OCIAD1: variants seen among roughly 807,000 people sequenced by gnomAD.
OCIAD1 encodes OCIA domain-containing protein 1.
OCIAD1 carries 29 observed loss-of-function variants against 38.9 expected under a neutral mutation model. That is an observed-to-expected ratio of 0.74 (90% confidence interval 0.55 to 1.02). OCIAD1 has a LOEUF of 1.02. Among genes scored for constraint, OCIAD1 ranks in the 50% least tolerant of loss-of-function variants. The probability of loss-of-function intolerance (pLI) is 0.00; values close to 1 mark genes in which losing one functional copy is unlikely to be tolerated. For synonymous variants in OCIAD1, 110 were observed against 92.0 expected, an observed-to-expected ratio of 1.20 and a Z score of -1.12; for missense variants, 288 against 289.6, an observed-to-expected ratio of 0.99 and a Z score of 0.04.
rs1169620856 is a variant in OCIAD1, at chr4:48,860,881, T to G, written c.*119T>G. On this transcript the variant is annotated 3_prime_UTR_variant, in exon 9 of 9. Transcript: ENST00000264312. The stretch of plus-strand genomic sequence containing the variant: ...CATAAACACATTTAAAACAAGATCC[T>G]GGGTTTTTGTGGTTTGACTTCTATG... The G allele has an allele frequency of 1.3e-6, 1 of 765,564 alleles. No individual in the cohort carries two copies. The highest frequency in any genetic ancestry group is 2.5e-5 in the East Asian group (1 of 39,936). 47.4% of individuals were successfully genotyped at this position (765,564 alleles called of 1,614,324 possible).
Position 48,842,619 on chromosome 4 carries a change from TC to T in OCIAD1, c.140-16del. On this transcript the variant is annotated splice_polypyrimidine_tract_variant and intron_variant, in intron 3 of 8. Coordinates refer to ENST00000264312, the MANE Select transcript of OCIAD1 (RefSeq NM_017830.4). ...TTTACTTTTGTTGATGTTAACAAGG[TC>T]TTTTTCTTCCTATAGCTGTGCCTTT... 6.5e-7 allele frequency: 1 copy of T among 1,546,662 alleles called. No individual in the cohort carries two copies. The highest frequency in any genetic ancestry group is 1.2e-5 in the South Asian group (1 of 82,608).
At chr4:48,845,416 T>G (rs570602847) in intron 4 of OCIAD1, among the ~76,000 whole-genome samples, 2 of 152,220 alleles carry the variant, frequency 1.3e-5, no homozygotes, top group Non-Finnish European at 2.9e-5. Flanking sequence ...TTAACCAGTT[T>G]TTCTTGAAAT....
At chr4:48,839,059 G>A (rs7660146) in intron 3 of OCIAD1, among the ~76,000 whole-genome samples, 152,084 of 152,336 alleles carry the variant, frequency 1, 75,917 homozygotes, top group Middle Eastern at 1. Flanking sequence ...AGATGTATCA[G>A]TTCATATTTG....
In OCIAD1 at chr4:48,861,169, T is replaced by G. The variant is rs1780568351; in HGVS notation, c.*407T>G. The stretch of plus-strand genomic sequence containing the variant: ...AAGTGTGAAGCTTTGCATCAAGAAA[T>G]TATTAAAAAGCTTTTTTTCTCCAGT... On this transcript the variant is annotated 3_prime_UTR_variant, in exon 9 of 9. Coordinates refer to ENST00000264312, the MANE Select transcript of OCIAD1 (RefSeq NM_017830.4). The G allele has an allele frequency of 6.2e-6, 1 of 162,500 alleles. No homozygotes were observed. The highest frequency in any genetic ancestry group is 6.4e-5 in the Admixed American group (1 of 15,602). 10.1% of individuals were successfully genotyped at this position (162,500 alleles called of 1,614,324 possible).
intron 5 of OCIAD1, 173 bp downstream of exon 5, chr4:48,848,619 A>C (rs1424833091): frequency 2.5e-6 from 1 of 405,752 alleles, no homozygotes; most frequent in Non-Finnish European, 4.4e-6. Context: ...TATTGTTAGC[A>C]TAAAAAATCA....
At chr4:48,851,007 T>C (rs1280316149) in intron 6 of OCIAD1, among the ~76,000 whole-genome samples, 1 of 152,262 alleles carries the variant, frequency 6.6e-6, no homozygotes, top group Non-Finnish European at 1.5e-5. Flanking sequence ...TCCCAAATCT[T>C]ATCAATCCCA....
chr4:48,808,799 G>A (rs1411153600), intron 1 of OCIAD1, among the ~76,000 whole-genome samples: 1 of 152,182 alleles, frequency 6.6e-6, no homozygotes, highest in African/African-American at 2.4e-5. Context: ...TAAGACAATT[G>A]TAAACTCAGC....
chr4:48,842,153 CATT>C (rs1189152896), intron 3 of OCIAD1, among the ~76,000 whole-genome samples: 2 of 152,130 alleles, frequency 1.3e-5, no homozygotes, highest in South Asian at 2.1e-4. Flanking sequence ...GTGGTAATAA[CATT>C]ATCTACCTTA....
chr4:48,837,993 G>A (rs777980916), intron 3 of OCIAD1, among the ~76,000 whole-genome samples: 11 of 152,150 alleles, frequency 7.2e-5, no homozygotes, highest in Non-Finnish European at 1.3e-4. Context: ...AGTGATTTCT[G>A]TGCATTAAAA....
At chr4:48,825,875 T>C (rs994031114) in intron 1 of OCIAD1, among the ~76,000 whole-genome samples, 28 of 151,904 alleles carry the variant, frequency 1.8e-4, no homozygotes, top group African/African-American at 6.8e-4. Flanking sequence ...CCTCACTCTG[T>C]TGCCCAGGCT....
intron 4 of OCIAD1, among the ~76,000 whole-genome samples, chr4:48,847,479 C>T (rs949119254): frequency 3.3e-5 from 5 of 152,092 alleles, no homozygotes; most frequent in South Asian, 2.1e-4. Context: ...TTAAGATCTT[C>T]GTCTACTCTA....
chr4:48,861,179 G>T lies in OCIAD1; in HGVS notation c.*417G>T, dbSNP rs373588749. On this transcript the variant is annotated 3_prime_UTR_variant, in exon 9 of 9. Transcript: ENST00000264312. ...CTTTGCATCAAGAAATTATTAAAAA[G>T]CTTTTTTTCTCCAGTATTTTCTGTA... 14 of 158,776 alleles carry T rather than the reference G, an allele frequency of 8.8e-5. No homozygotes were observed. In the East Asian group the frequency reaches 2.0e-3, roughly 23 times the overall value. 9.8% of individuals were successfully genotyped at this position (158,776 alleles called of 1,614,324 possible).
chr4:48,853,853 G>GT (rs1376563643), intron 7 of OCIAD1, among the ~76,000 whole-genome samples: 1 of 152,150 alleles, frequency 6.6e-6, no homozygotes, highest in Non-Finnish European at 1.5e-5. Context: ...TATTAGCCTT[G>GT]TATAAAGGAA....
At chr4:48,839,435 CAAA>C (rs34347200) in intron 3 of OCIAD1, among the ~76,000 whole-genome samples, 3 of 119,202 alleles carry the variant, frequency 2.5e-5, no homozygotes, top group Non-Finnish European at 5.2e-5. Flanking sequence ...GACTTCATCT[CAAA>C]AAAAAAAAAA....
At chr4:48,818,075 G>A (rs1193498996) in intron 1 of OCIAD1, among the ~76,000 whole-genome samples, 2 of 152,224 alleles carry the variant, frequency 1.3e-5, no homozygotes, top group African/African-American at 4.8e-5. Flanking sequence ...GCTCTTCTAA[G>A]GGACAGACTG....
chr4:48,854,667 G>A (rs1015123607), intron 7 of OCIAD1, among the ~76,000 whole-genome samples: 4 of 152,150 alleles, frequency 2.6e-5, no homozygotes, highest in African/African-American at 9.7e-5. Context: ...TTCCACAGCA[G>A]CCATCCATCC....
chr4:48,828,249 TG>T (rs1777270908), upstream of OCIAD1, among the ~76,000 whole-genome samples: 1 of 152,034 alleles, frequency 6.6e-6, no homozygotes, highest in African/African-American at 2.4e-5. Context: ...GCTAAAGGAT[TG>T]TAAATGCACC....
chr4:48,851,970 T>C lies in OCIAD1; in HGVS notation c.542T>C (p.Val181Ala). ...SAPTGITDHI[V>A]QGPDPNLEES... is the part of the protein sequence containing the mutation. ...CCCACTGGTATTACTGATCATATTG[T>C]CCAAGGTAGAAACTTCTCTTGAAAT... The change falls in exon 7 of 9, where the codon GTC becomes GCC. Residue 181 changes from valine to alanine, a missense_variant. Coordinates refer to ENST00000264312, the MANE Select transcript of OCIAD1 (RefSeq NM_017830.4). 1.2e-6 allele frequency: 2 copies of C among 1,600,892 alleles called. No individual in the cohort carries two copies. Among genetic ancestry groups the C allele is most frequent in the Admixed American group, 1.7e-5 (1 of 57,618 alleles).
In OCIAD1 at chr4:48,861,006, G is replaced by A; in HGVS notation, c.*244G>A. The A allele has an allele frequency of 2.4e-6, 1 of 410,568 alleles. No individual in the cohort carries two copies. 25.4% of individuals were successfully genotyped at this position (410,568 alleles called of 1,614,324 possible). On this transcript the variant is annotated 3_prime_UTR_variant, in exon 9 of 9. Coordinates refer to ENST00000264312, the MANE Select transcript of OCIAD1 (RefSeq NM_017830.4). ...TGGTATTATACCATGATTGTATACAGTTTGTGAAATTGTTGCAAGGGCAAA... is the reference window on the plus strand; with the variant it reads ...TGGTATTATACCATGATTGTATACAATTTGTGAAATTGTTGCAAGGGCAAA...
Sources: allele counts gnomAD v4.1 joint callset (sites outside exome capture counted in the v4.1 genomes callset), GRCh38; gene constraint gnomAD v4.1.1; transcripts MANE v1.5; gene names NCBI Gene and HGNC (gene_info 2026-07-23, HGNC 2026-07-21).